The following INVS variants were observed in gnomAD, a reference collection of about 807,000 sequenced individuals.
The protein encoded by INVS is inversin.
In INVS, 86 loss-of-function variants were observed where a neutral mutation model predicts 108.8. That is an observed-to-expected ratio of 0.79 (90% CI 0.66 to 0.95). The LOEUF (loss-of-function observed/expected upper bound fraction) is 0.95. INVS is among the 40% of genes least tolerant of loss of function. The pLI is 0.00. For synonymous variants in INVS, 455 were observed against 473.5 expected (o/e 0.96, Z 0.51); for missense variants, 1,169 against 1,297.4 (o/e 0.90, Z 1.52).
At chr9:100,229,110 C>A (rs1831430019) in intron 4 of INVS, among the ~76,000 whole-genome samples, 1 of 152,212 alleles carries the variant, frequency 6.6e-6, no homozygotes, top group Non-Finnish European at 1.5e-5. Flanking sequence ...TACGGTAGAG[C>A]TTAGCAAACT....
rs577390158 is a variant in INVS, at chr9:100,144,802, G to C, written c.273+18253G>C. ...AAGGTCAGATGGGTCTGTAGAAAAGGAAGACTGGAAAGACTCAGCGACGCT... is the reference window on the plus strand; with the variant it reads ...AAGGTCAGATGGGTCTGTAGAAAAGCAAGACTGGAAAGACTCAGCGACGCT... On this transcript the variant is annotated intron_variant, in intron 3 of 16. Coordinates refer to ENST00000262457, the MANE Select transcript of INVS (RefSeq NM_014425.5). Among the ~76,000 whole-genome samples the C allele has an allele frequency of 2.0e-5, 3 of 152,164 alleles. No individual in the cohort carries two copies. In the East Asian group the frequency reaches 5.8e-4, roughly 29 times the overall value.
intron 3 of INVS, among the ~76,000 whole-genome samples, chr9:100,151,838 C>T (rs1378506753): frequency 6.6e-6 from 1 of 152,198 alleles, no homozygotes; most frequent in East Asian, 1.9e-4. Context: ...GTGATACCTA[C>T]AACAGAATAC....
At chr9:100,236,613 C>G (rs754103228) in intron 5 of INVS, among the ~76,000 whole-genome samples, 2 of 152,170 alleles carry the variant, frequency 1.3e-5, no homozygotes, top group South Asian at 2.1e-4. Context: ...ATAGTCAGGC[C>G]TCTCTTCTAG....
intron 3 of INVS, among the ~76,000 whole-genome samples, chr9:100,180,506 C>T (rs566119940): frequency 1.6e-4 from 25 of 152,180 alleles, no homozygotes; most frequent in Admixed American, 3.9e-4. Flanking sequence ...AACACCTCTA[C>T]GCAAATAAAC....
intron 12 of INVS, among the ~76,000 whole-genome samples, chr9:100,281,488 A>G (rs1487034181): frequency 6.6e-6 from 1 of 152,220 alleles, no homozygotes; most frequent in Non-Finnish European, 1.5e-5. Flanking sequence ...CAAGTTATGC[A>G]TAATTTCCAG....
intron 6 of INVS, among the ~76,000 whole-genome samples, chr9:100,241,561 G>A (rs576184625): frequency 1.3e-5 from 2 of 152,116 alleles, no homozygotes; most frequent in Non-Finnish European, 2.9e-5. Flanking sequence ...TCAGAGGTAT[G>A]CTGCTTATCT....
At chr9:100,169,603 T>C (rs1829475587) in intron 3 of INVS, among the ~76,000 whole-genome samples, 1 of 152,232 alleles carries the variant, frequency 6.6e-6, no homozygotes. Context: ...ATTCAGTGCA[T>C]TGCTGTTGTC....
Position 100,297,113 on chromosome 9 carries a change from T to G in INVS, c.2983T>G (p.Ser995Ala). 6.2e-7 allele frequency: 1 copy of G among 1,613,988 alleles called. No individual in the cohort carries two copies. ...ATCCAAGGGCACCTCAGGCACAAAG[T>G]CCACCAAGCACTCAGTGCTTAAGCA... ...SPSKGTSGTK[S>A]TKHSVLKQIY... The change falls in exon 15 of 17, where the codon TCC (serine) becomes GCC (alanine). Residue 995 changes from serine to alanine, a missense_variant. Ser to Ala is a moderately conservative substitution (Grantham distance 99). Around this residue, in one of 3 missense-constraint regions of INVS, gnomAD observed 533 missense variants for 536.0 expected, o/e 0.99. Transcript: ENST00000262457.
At position 100,164,893 on chromosome 9, in the gene INVS, T is replaced by C. The variant is rs1206591865; in HGVS notation, c.273+38344T>C. Reference sequence around the variant, plus strand: ...CATCTCTCTTTGTTTCTTTTGGCTTTTTCTTTTTTTTTTTTTTTTTACAAC... The same window carrying C: ...CATCTCTCTTTGTTTCTTTTGGCTTCTTCTTTTTTTTTTTTTTTTTACAAC... On this transcript the variant is annotated intron_variant, in intron 3 of 16. Coordinates refer to ENST00000262457, the MANE Select transcript of INVS (RefSeq NM_014425.5). Among the ~76,000 whole-genome samples the C allele has an allele frequency of 3.4e-5, 5 of 148,912 alleles. No individual in the cohort carries two copies. The East Asian group carries it at 9.7e-4, about 29-fold the overall frequency.
rs780090630 is a variant in INVS at position 100,154,331 on chromosome 9, A to ATTTTTTTTTTTTTTT, written c.273+27796_273+27810dup. Among the ~76,000 whole-genome samples the ATTTTTTTTTTTTTTT allele has an allele frequency of 5.5e-3, 379 of 68,562 alleles. 46 individuals are homozygous for ATTTTTTTTTTTTTTT. The highest frequency in any genetic ancestry group is 0.026 in the African/African-American group (337 of 12,986). 45.0% of individuals were successfully genotyped at this position (68,562 alleles called of 152,430 possible). On this transcript the variant is annotated intron_variant, in intron 3 of 16. Coordinates refer to ENST00000262457, the MANE Select transcript of INVS (RefSeq NM_014425.5). The stretch of plus-strand genomic sequence containing the variant: ...AGGTGTGTGCCACCACAACCGACTA[A>ATTTTTTTTTTTTTTT]TTTTTTTTTTTTTTTTTTTTTTTTT...
chr9:100,237,105 C>T (rs35801424), intron 5 of INVS, among the ~76,000 whole-genome samples: 1,659 of 152,254 alleles, frequency 0.011, 16 homozygotes, highest in African/African-American at 0.016. Context: ...GGCTTTGCTG[C>T]GCTGTGGTGG....
intron 3 of INVS, among the ~76,000 whole-genome samples, chr9:100,181,424 C>T (rs532706517): frequency 2.6e-5 from 4 of 152,222 alleles, no homozygotes; most frequent in East Asian, 1.9e-4. Flanking sequence ...AGCAAAGTCT[C>T]GGGATACAAA....
chr9:100,270,410 A>C (rs1378960770), intron 11 of INVS, among the ~76,000 whole-genome samples: 1 of 152,114 alleles, frequency 6.6e-6, no homozygotes, highest in Non-Finnish European at 1.5e-5. Flanking sequence ...CAGGAGTTCG[A>C]GACCAGCCTG....
intron 3 of INVS, among the ~76,000 whole-genome samples, chr9:100,136,396 C>A (rs1467073340): frequency 6.6e-6 from 1 of 152,040 alleles, no homozygotes; most frequent in Non-Finnish European, 1.5e-5. Context: ...ATTATATATT[C>A]TATTATTTCA....
At chr9:100,282,267 T>A (rs1467499136) in intron 12 of INVS, among the ~76,000 whole-genome samples, 1 of 152,134 alleles carries the variant, frequency 6.6e-6, no homozygotes, top group African/African-American at 2.4e-5. Flanking sequence ...CGTATGAATC[T>A]CAGGCTCCGA....
intron 5 of INVS, among the ~76,000 whole-genome samples, chr9:100,234,606 TTTTA>T (rs2118461065): frequency 6.6e-6 from 1 of 152,232 alleles, no homozygotes; most frequent in Admixed American, 6.5e-5. Context: ...TTATTTCTGC[TTTTA>T]TTTCATTATT....
intron 2 of INVS, among the ~76,000 whole-genome samples, chr9:100,122,422 T>A (rs908860973): frequency 6.6e-6 from 1 of 152,032 alleles, no homozygotes; most frequent in Non-Finnish European, 1.5e-5. Flanking sequence ...TTATATAATA[T>A]CTCTATTTGT....
At position 100,229,603 on chromosome 9, in the gene INVS, A is replaced by G. The variant is rs1831442146; in HGVS notation, c.448-57A>G. The G allele has an allele frequency of 3.3e-6, 5 of 1,501,002 alleles. No homozygotes were observed. In the East Asian group the frequency reaches 1.1e-4, roughly 34 times the overall value. The allele number at this position is 1,501,002 out of a possible 1,614,324, so 93.0% of individuals were successfully genotyped here. On this transcript the variant is annotated intron_variant, in intron 4 of 16. Transcript: ENST00000262457. Reference sequence around the variant, plus strand: ...ATAACAGTGCCTGTCCCACAATAAAAGATTGGGGAAAGTTAGTTGTTACTG... The same window carrying G: ...ATAACAGTGCCTGTCCCACAATAAAGGATTGGGGAAAGTTAGTTGTTACTG...
chr9:100,175,415 G>C, intron 3 of INVS: 1 of 898,810 alleles, frequency 1.1e-6, no homozygotes, highest in Non-Finnish European at 1.9e-6. Context: ...ACAAAGTCCT[G>C]GTCAAGAAAC....
Sources: gnomAD v4.1 joint callset for allele counts (sites outside exome capture counted in the v4.1 genomes callset) on GRCh38, gnomAD v4.1.1 for gene constraint, gnomAD v4.1.1 regional missense constraint, MANE v1.5 for transcripts, NCBI Gene and HGNC (gene_info 2026-07-23, HGNC 2026-07-21) for gene names.